The following GUCY1A2 variants were observed in gnomAD, a reference collection of about 807,000 sequenced individuals.
GUCY1A2 encodes guanylate cyclase 1 soluble subunit alpha 2.
GUCY1A2 carries 27 observed loss-of-function variants against 63.5 expected under a neutral mutation model. The observed-to-expected ratio is 0.43, with a 90% CI of 0.31 to 0.59. The LOEUF is 0.59. GUCY1A2 is among the 20% of genes least tolerant of loss of function. The pLI, the probability that GUCY1A2 is intolerant of heterozygous loss-of-function variation, is 0.11. For synonymous variants in GUCY1A2, 364 were observed against 343.5 expected (o/e 1.06, Z -0.66); for missense variants, 768 against 913.3 (o/e 0.84, Z 2.05).
intron 6 of GUCY1A2, among the ~76,000 whole-genome samples, chr11:106,711,424 A>C (rs1157363575): frequency 6.6e-6 from 1 of 152,194 alleles, no homozygotes; most frequent in Non-Finnish European, 1.5e-5. Flanking sequence ...AAACTGCAAA[A>C]TATAGATACT....
intron 3 of GUCY1A2, among the ~76,000 whole-genome samples, chr11:106,968,563 G>A (rs1861155146): frequency 6.6e-6 from 1 of 152,122 alleles, no homozygotes; most frequent in Non-Finnish European, 1.5e-5. Context: ...TGCGTTTCTT[G>A]TTTAGTTGAC....
chr11:106,986,611 G>C (rs1233870735), intron 1 of GUCY1A2, among the ~76,000 whole-genome samples: 1 of 152,114 alleles, frequency 6.6e-6, no homozygotes, highest in African/African-American at 2.4e-5. Flanking sequence ...GTGATAAATT[G>C]AGTTAAAAGA....
At chr11:106,830,654 G>T (rs148598207) in intron 4 of GUCY1A2, among the ~76,000 whole-genome samples, 66 of 152,302 alleles carry the variant, frequency 4.3e-4, no homozygotes, top group African/African-American at 1.5e-3. Flanking sequence ...TCAGCTTTGG[G>T]ACTCAGACTG....
intron 7 of GUCY1A2, among the ~76,000 whole-genome samples, chr11:106,702,442 C>G (rs1277090847): frequency 6.6e-6 from 1 of 152,106 alleles, no homozygotes; most frequent in Admixed American, 6.5e-5. Flanking sequence ...ATGTGGGTAT[C>G]TGTGTCTGAG....
intron 6 of GUCY1A2, among the ~76,000 whole-genome samples, chr11:106,763,998 T>C (rs1017742064): frequency 6.6e-6 from 1 of 152,126 alleles, no homozygotes; most frequent in Non-Finnish European, 1.5e-5. Flanking sequence ...TTTGGATTAT[T>C]ATGTTTCTAC....
chr11:106,746,700 T>G, intron 6 of GUCY1A2: 1 of 956,286 alleles, frequency 1.0e-6, no homozygotes. Flanking sequence ...AAAAAATCAG[T>G]ACTGTGACAT....
chr11:106,693,913 G>A (rs541435786), intron 7 of GUCY1A2, among the ~76,000 whole-genome samples: 1 of 151,922 alleles, frequency 6.6e-6, no homozygotes, highest in Admixed American at 6.6e-5. Context: ...ACTAGATTTT[G>A]TTGTTTGCTT....
chr11:106,758,182 G>A (rs1047631725), intron 6 of GUCY1A2, among the ~76,000 whole-genome samples: 3 of 152,134 alleles, frequency 2.0e-5, no homozygotes, highest in African/African-American at 7.2e-5. Context: ...AGTGATGGAC[G>A]CCCCTCCCCA....
At chr11:106,723,621 G>A (rs192609650) in intron 6 of GUCY1A2, among the ~76,000 whole-genome samples, 18 of 152,288 alleles carry the variant, frequency 1.2e-4, no homozygotes, top group East Asian at 7.7e-4. Flanking sequence ...GGCTGAGTTC[G>A]AGACCAGCCT....
chr11:106,975,806 C>T (rs1395020773), intron 3 of GUCY1A2, among the ~76,000 whole-genome samples: 2 of 152,062 alleles, frequency 1.3e-5, no homozygotes, highest in Non-Finnish European at 2.9e-5. Context: ...CAGGGAGTCC[C>T]ATGGAAGAGG....
Position 106,676,362 on chromosome 11 carries a change from C to T in GUCY1A2, c.*11187G>A, listed in dbSNP as rs1237496092. ...GGATTGAGATTTGTAAATGTTTGATCTCTTGATCCAAGCTGTACTTTTTTT... is the reference window on the plus strand; with the variant it reads ...GGATTGAGATTTGTAAATGTTTGATTTCTTGATCCAAGCTGTACTTTTTTT... On this transcript the variant is annotated 3_prime_UTR_variant, in exon 8 of 8. Coordinates refer to ENST00000526355, the MANE Select transcript of GUCY1A2 (RefSeq NM_000855.3). The T allele has an allele frequency of 2.2e-5, 4 of 182,630 alleles. No individual in the cohort carries two copies. The highest frequency in any genetic ancestry group is 4.6e-5 in the Non-Finnish European group (4 of 87,142). The allele number at this position is 182,630 out of a possible 1,614,324, so 11.3% of individuals were successfully genotyped here.
In GUCY1A2 at chr11:106,864,299, T is replaced by C. The variant is rs559435115; in HGVS notation, c.1207-53821A>G. Among the ~76,000 whole-genome samples the C allele has an allele frequency of 9.9e-5, 15 of 152,132 alleles. 1 individual carries two copies. The highest frequency in any genetic ancestry group is 3.4e-4 in the African/African-American group (14 of 41,530). ...TTTTAAAAACTCGTATGGCAATTAT[T>C]ATATAATTTATATATAATTACATAA... On this transcript the variant is annotated intron_variant, in intron 4 of 7. Coordinates refer to ENST00000526355, the MANE Select transcript of GUCY1A2 (RefSeq NM_000855.3).
intron 4 of GUCY1A2, among the ~76,000 whole-genome samples, chr11:106,901,852 T>C (rs887226168): frequency 3.9e-5 from 6 of 152,186 alleles, no homozygotes; most frequent in African/African-American, 1.4e-4. Flanking sequence ...TTCCATGGTG[T>C]ATATGTGCCA....
intron 5 of GUCY1A2, among the ~76,000 whole-genome samples, chr11:106,794,425 A>G (rs1455868803): frequency 6.6e-6 from 1 of 151,888 alleles, no homozygotes; most frequent in Non-Finnish European, 1.5e-5. Context: ...ACCATATAGC[A>G]TGCTGACCAT....
intron 1 of GUCY1A2, among the ~76,000 whole-genome samples, chr11:106,993,906 C>T (rs1383557868): frequency 6.6e-6 from 1 of 152,064 alleles, no homozygotes; most frequent in African/African-American, 2.4e-5. Context: ...ATTTGCTAAG[C>T]AAAACTAGAA....
chr11:106,814,881 A>G (rs1858810432), intron 4 of GUCY1A2, among the ~76,000 whole-genome samples: 1 of 152,086 alleles, frequency 6.6e-6, no homozygotes, highest in African/African-American at 2.4e-5. Context: ...ATATAATAGA[A>G]AGTCAACCAT....
rs759101648 is a variant in GUCY1A2, at chr11:106,681,897, A to G, written c.*5652T>C. Reference sequence around the variant, plus strand: ...TGAAAAGTACATAGTGAGACTAAGTATTAAGTTGATGTCTTTTCATGACAT... The same window carrying G: ...TGAAAAGTACATAGTGAGACTAAGTGTTAAGTTGATGTCTTTTCATGACAT... On this transcript the variant is annotated 3_prime_UTR_variant, in exon 8 of 8. Transcript: ENST00000526355. 4.7e-6 allele frequency: 1 copy of G among 213,694 alleles called. No homozygotes were observed. The highest frequency in any genetic ancestry group is 9.4e-6 in the Non-Finnish European group (1 of 105,840). 13.2% of individuals were successfully genotyped at this position (213,694 alleles called of 1,614,324 possible).
chr11:106,791,514 T>C (rs958359509), intron 5 of GUCY1A2, among the ~76,000 whole-genome samples: 3 of 146,314 alleles, frequency 2.1e-5, no homozygotes, highest in African/African-American at 5.1e-5. Flanking sequence ...CACGTGCTTG[T>C]TGAATTTGGT....
rs528871477 is a variant in GUCY1A2 at position 106,870,220 on chromosome 11, A to T, written c.1207-59742T>A. 3.3e-5 allele frequency among the ~76,000 whole-genome samples: 5 copies of T among 152,074 alleles called. No homozygotes were observed. The South Asian group carries it at 1.0e-3, about 32-fold the overall frequency. ...GTATACATACGTAACAAACCCATAC[A>T]TTGTGCACATGTACCCTAGAACTTA... is the stretch of plus-strand genomic sequence containing the variant. On this transcript the variant is annotated intron_variant, in intron 4 of 7. Transcript: ENST00000526355.
Sources: allele counts gnomAD v4.1 joint callset (sites outside exome capture counted in the v4.1 genomes callset), GRCh38; gene constraint gnomAD v4.1.1; transcripts MANE v1.5; gene names NCBI Gene and HGNC (gene_info 2026-07-23, HGNC 2026-07-21).